The following CMSS1 variants were observed in gnomAD, a reference collection of about 807,000 sequenced individuals.
CMSS1 encodes protein CMSS1.
CMSS1 carries 33 observed loss-of-function variants against 43.5 expected under a neutral mutation model. That is an observed-to-expected ratio of 0.76 (90% CI 0.57 to 1.01). The LOEUF is 1.01. Ranked by LOEUF, CMSS1 falls within the 50% of genes least tolerant of loss-of-function variation. The pLI, the probability that CMSS1 is intolerant of heterozygous loss-of-function variation, is 0.00. For synonymous variants in CMSS1, 115 were observed against 117.2 expected, an observed-to-expected ratio of 0.98 and a Z score of 0.12; for missense variants, 313 against 326.4, an observed-to-expected ratio of 0.96 and a Z score of 0.32.
At chr3:100,064,349 C>T (rs142781752) in intron 1 of CMSS1, among the ~76,000 whole-genome samples, 11 of 152,172 alleles carry the variant, frequency 7.2e-5, no homozygotes, top group South Asian at 4.2e-4. Flanking sequence ...ACCAGCTCCC[C>T]AGTCCCACGG....
chr3:99,864,918 A>C (rs1395442339), intron 1 of CMSS1, among the ~76,000 whole-genome samples: 1 of 152,194 alleles, frequency 6.6e-6, no homozygotes, highest in Admixed American at 6.5e-5. Context: ...ATGTGCGCAC[A>C]CACGCATCTC....
intron 1 of CMSS1, among the ~76,000 whole-genome samples, chr3:100,010,837 C>T (rs1487565957): frequency 1.5e-5 from 2 of 129,972 alleles, no homozygotes; most frequent in African/African-American, 6.0e-5. Context: ...GCATGTTGGT[C>T]AGGCTGGTCT....
intron 1 of CMSS1, chr3:100,075,576 T>TC (rs1413006380): frequency 3.3e-5 from 5 of 151,914 alleles, no homozygotes; most frequent in African/African-American, 1.2e-4. Context: ...TTTTTTTTTT[T>TC]TTAACTGTCT....
At chr3:99,894,755 A>G (rs1486547758) in intron 1 of CMSS1, among the ~76,000 whole-genome samples, 4 of 152,192 alleles carry the variant, frequency 2.6e-5, no homozygotes, top group African/African-American at 9.7e-5. Flanking sequence ...TGAAAACTCC[A>G]TTTAGGTAAC....
intron 1 of CMSS1, among the ~76,000 whole-genome samples, chr3:100,069,554 T>C (rs1166810890): frequency 6.6e-6 from 1 of 152,128 alleles, no homozygotes; most frequent in African/African-American, 2.4e-5. Flanking sequence ...GGAATCAATG[T>C]CACAGTCTAA....
intron 1 of CMSS1, among the ~76,000 whole-genome samples, chr3:99,924,817 CG>C (rs1176370836): frequency 2.6e-5 from 4 of 152,098 alleles, no homozygotes; most frequent in Non-Finnish European, 4.4e-5. Flanking sequence ...CCACGGCGCC[CG>C]GCCAGCAGTG....
At chr3:99,902,063 A>G (rs991705495) in intron 1 of CMSS1, among the ~76,000 whole-genome samples, 3 of 152,132 alleles carry the variant, frequency 2.0e-5, no homozygotes, top group African/African-American at 4.8e-5. Context: ...ACTATGTTTT[A>G]TTTTTTAGAG....
chr3:99,959,207 G>A (rs1708424141), intron 1 of CMSS1, among the ~76,000 whole-genome samples: 1 of 152,194 alleles, frequency 6.6e-6, no homozygotes, highest in East Asian at 1.9e-4. Flanking sequence ...AGAGTATAGT[G>A]GCACAACTTC....
At chr3:99,888,760 A>G (rs368576454) in intron 1 of CMSS1, among the ~76,000 whole-genome samples, 29 of 152,320 alleles carry the variant, frequency 1.9e-4, no homozygotes, top group African/African-American at 5.3e-4. Flanking sequence ...AAGAAATTCT[A>G]TAACCATCTT....
intron 1 of CMSS1, among the ~76,000 whole-genome samples, chr3:99,859,460 T>C (rs758696566): frequency 2.6e-5 from 4 of 152,246 alleles, no homozygotes; most frequent in African/African-American, 2.4e-5. Flanking sequence ...TAAATTCCTG[T>C]ATTTGTTCTC....
At chr3:99,890,953 G>T (rs1208765446) in intron 1 of CMSS1, among the ~76,000 whole-genome samples, 3 of 151,946 alleles carry the variant, frequency 2.0e-5, no homozygotes, top group African/African-American at 7.3e-5. Flanking sequence ...CTCTAGAGAG[G>T]ATTTCCATTT....
At chr3:100,018,327 C>T (rs1559727107) in intron 1 of CMSS1, among the ~76,000 whole-genome samples, 1 of 151,758 alleles carries the variant, frequency 6.6e-6, no homozygotes, top group African/African-American at 2.4e-5. Context: ...ACTCCATCTC[C>T]AAACAGAAAA....
intron 1 of CMSS1, among the ~76,000 whole-genome samples, chr3:99,967,511 T>C (rs1708689285): frequency 6.6e-6 from 1 of 152,208 alleles, no homozygotes; most frequent in Admixed American, 6.5e-5. Context: ...TTTGTTCCAC[T>C]AAGAGTCCCC....
At chr3:100,176,053 T>C (rs1028051089) in intron 8 of CMSS1, among the ~76,000 whole-genome samples, 1 of 152,144 alleles carries the variant, frequency 6.6e-6, no homozygotes, top group African/African-American at 2.4e-5. Flanking sequence ...CTTCATGAAA[T>C]GGATGCCTGG....
At chr3:100,149,714 C>T (rs1005882802) in intron 2 of CMSS1, among the ~76,000 whole-genome samples, 2 of 152,172 alleles carry the variant, frequency 1.3e-5, no homozygotes, top group South Asian at 2.1e-4. Flanking sequence ...AGACTCACCT[C>T]GAGGACAGAT....
At position 99,875,869 on chromosome 3, in the gene CMSS1, T is replaced by C. The variant is rs1705486286; in HGVS notation, c.64+57826T>C. Among the ~76,000 whole-genome samples the C allele has an allele frequency of 2.0e-5, 3 of 152,212 alleles. No homozygotes were observed. The South Asian group carries it at 6.2e-4, about 32-fold the overall frequency. ...ATTTAAAATTAAATCTCTAATCTGT[T>C]TTCTCCTCCAGAGAAAACTTCTACT... On this transcript the variant is annotated intron_variant, in intron 1 of 9. Transcript: ENST00000421999.
chr3:100,018,927 A>C (rs570970640), intron 1 of CMSS1, among the ~76,000 whole-genome samples: 1 of 152,294 alleles, frequency 6.6e-6, no homozygotes, highest in African/African-American at 2.4e-5. Context: ...ATAAATAGCC[A>C]AGAGGTATAT....
intron 1 of CMSS1, among the ~76,000 whole-genome samples, chr3:99,871,746 A>G (rs903778496): frequency 1.3e-5 from 2 of 152,204 alleles, no homozygotes; most frequent in African/African-American, 4.8e-5. Flanking sequence ...TTAGTGGTTC[A>G]GACCCAAATG....
chr3:100,131,826 G>A (rs147350738), intron 1 of CMSS1, among the ~76,000 whole-genome samples: 78 of 152,290 alleles, frequency 5.1e-4, no homozygotes, highest in African/African-American at 1.6e-3. Context: ...TGACAAGAAA[G>A]TGAGGAAAGG....
Sources: allele counts gnomAD v4.1 joint callset (sites outside exome capture counted in the v4.1 genomes callset), GRCh38; gene constraint gnomAD v4.1.1; transcripts MANE v1.5; gene names NCBI Gene and HGNC (gene_info 2026-07-23, HGNC 2026-07-21).